The following RALGAPA2 variants were observed in gnomAD, a reference collection of about 807,000 sequenced individuals.
RALGAPA2 encodes the protein ral GTPase-activating protein subunit alpha-2.
RALGAPA2 carries 139 observed loss-of-function variants against 230.4 expected under a neutral mutation model. That is an observed-to-expected ratio of 0.60 (90% CI 0.53 to 0.69). RALGAPA2 has a LOEUF of 0.69. RALGAPA2 is among the 30% of genes least tolerant of loss of function. The probability of loss-of-function intolerance (pLI) is 0.00; values close to 1 mark genes in which losing one functional copy is unlikely to be tolerated. For missense variants in RALGAPA2, 2,163 were observed against 2,276.0 expected (o/e 0.95, Z 1.01); for synonymous variants, 847 against 837.8 (o/e 1.01, Z -0.19).
intron 1 of RALGAPA2, among the ~76,000 whole-genome samples, chr20:20,711,017 A>G (rs1036856790): frequency 3.9e-5 from 6 of 152,222 alleles, no homozygotes; most frequent in Non-Finnish European, 5.9e-5. Context: ...CAGTTTACCA[A>G]GAACGCCACA....
chr20:20,457,859 C>A (rs184265100), intron 37 of RALGAPA2, among the ~76,000 whole-genome samples: 4 of 152,252 alleles, frequency 2.6e-5, no homozygotes, highest in Admixed American at 2.6e-4. Flanking sequence ...GCGGGGCTCT[C>A]GCATAGGGAG....
intron 3 of RALGAPA2, among the ~76,000 whole-genome samples, chr20:20,665,292 G>C (rs188760990): frequency 6.6e-6 from 1 of 152,126 alleles, no homozygotes; most frequent in Non-Finnish European, 1.5e-5. Flanking sequence ...TGCTAGTATT[G>C]CCTTCCACAG....
At chr20:20,633,113 TTC>T (rs567503816) in intron 9 of RALGAPA2, among the ~76,000 whole-genome samples, 1 of 151,250 alleles carries the variant, frequency 6.6e-6, no homozygotes, top group Admixed American at 6.6e-5. Flanking sequence ...TTCTCTTTCT[TTC>T]TCTCTCTTTC....
intron 1 of RALGAPA2, among the ~76,000 whole-genome samples, chr20:20,685,149 G>A (rs2068655207): frequency 6.6e-6 from 1 of 151,398 alleles, no homozygotes; most frequent in Admixed American, 6.6e-5. Context: ...AGACAACTAT[G>A]ACCACAAACT....
chr20:20,654,479 C>T (rs573581123), intron 3 of RALGAPA2, among the ~76,000 whole-genome samples: 3 of 152,364 alleles, frequency 2.0e-5, no homozygotes, highest in Admixed American at 6.5e-5. Context: ...CGTGGGCCAC[C>T]ACGTCCAGCC....
rs2067483276 is a variant in RALGAPA2, at chr20:20,653,532, A to G, written c.326T>C (p.Ile109Thr). ...RIFFRWHYQS[I>T]GSTLKKLLHT... ...AAAAAATTTTTAATTGTTCTTACCT[A>G]TACTCTGGTAATGCCATCGAAAGAA... Residue 109 changes from isoleucine to threonine, a missense_variant and splice_region_variant, in exon 4 of 40, where the codon ATA becomes ACA. Ile to Thr is a moderately conservative substitution (Grantham distance 89). Transcript: ENST00000202677. 1.3e-6 allele frequency: 2 copies of G among 1,484,836 alleles called. No individual in the cohort carries two copies. Among genetic ancestry groups the G allele is most frequent in the African/African-American group, 1.4e-5 (1 of 71,066 alleles). 92.0% of individuals were successfully genotyped at this position (1,484,836 alleles called of 1,614,324 possible).
intron 8 of RALGAPA2, among the ~76,000 whole-genome samples, chr20:20,636,357 T>C (rs1465871518): frequency 1.3e-5 from 2 of 152,180 alleles, no homozygotes; most frequent in African/African-American, 2.4e-5. Context: ...CAAATAACTT[T>C]TAATCTAGGA....
At chr20:20,493,829 A>G (rs1291601078) in intron 36 of RALGAPA2, among the ~76,000 whole-genome samples, 1 of 152,190 alleles carries the variant, frequency 6.6e-6, no homozygotes, top group East Asian at 1.9e-4. Flanking sequence ...CTTCACGCAC[A>G]TGGAGATCAG....
At chr20:20,454,715 C>A (rs2061069243) in intron 37 of RALGAPA2, among the ~76,000 whole-genome samples, 1 of 152,210 alleles carries the variant, frequency 6.6e-6, no homozygotes, top group Non-Finnish European at 1.5e-5. Flanking sequence ...CAGATCTTCA[C>A]TCTCCAGCCT....
chr20:20,403,041 C>T (rs767612573), intron 38 of RALGAPA2, among the ~76,000 whole-genome samples: 16 of 152,144 alleles, frequency 1.1e-4, no homozygotes, highest in South Asian at 6.2e-4. Context: ...TCTCACACGC[C>T]GCCTTTTCAG....
At chr20:20,590,480 T>C (rs1022971983) in intron 17 of RALGAPA2, among the ~76,000 whole-genome samples, 3 of 152,208 alleles carry the variant, frequency 2.0e-5, no homozygotes, top group Admixed American at 2.0e-4. Flanking sequence ...AGATAACTTG[T>C]TGATAAATAG....
At chr20:20,677,079 T>C (rs1223542298) in intron 2 of RALGAPA2, among the ~76,000 whole-genome samples, 1 of 152,190 alleles carries the variant, frequency 6.6e-6, no homozygotes, top group Non-Finnish European at 1.5e-5. Context: ...GAATAAATAC[T>C]ACAGAATGTC....
intron 37 of RALGAPA2, among the ~76,000 whole-genome samples, chr20:20,442,197 GC>G (rs1035201077): frequency 6.6e-6 from 1 of 152,192 alleles, no homozygotes; most frequent in African/African-American, 2.4e-5. Flanking sequence ...CTTCTTTCTT[GC>G]AAAATGGGAC....
At chr20:20,603,553 C>T (rs1040188352) in intron 15 of RALGAPA2, among the ~76,000 whole-genome samples, 1 of 152,188 alleles carries the variant, frequency 6.6e-6, no homozygotes, top group East Asian at 1.9e-4. Flanking sequence ...CCTCTTACTG[C>T]CCCTGAAACT....
At chr20:20,650,277 T>C (rs968967020) in intron 4 of RALGAPA2, among the ~76,000 whole-genome samples, 18 of 152,198 alleles carry the variant, frequency 1.2e-4, no homozygotes, top group Admixed American at 2.0e-4. Flanking sequence ...AAATAGAATG[T>C]CTCTGTTTTC....
chr20:20,448,908 T>C (rs575450209), intron 37 of RALGAPA2, among the ~76,000 whole-genome samples: 13 of 151,866 alleles, frequency 8.6e-5, no homozygotes, highest in Non-Finnish European at 1.8e-4. Context: ...GCCTTCAAGT[T>C]ACGACTTAAC....
intron 18 of RALGAPA2, among the ~76,000 whole-genome samples, chr20:20,586,584 A>G (rs964133975): frequency 1.8e-4 from 27 of 152,350 alleles, no homozygotes; most frequent in African/African-American, 6.0e-4. Flanking sequence ...ATTTGTAAAC[A>G]TTTTAAAGGA....
At chr20:20,697,936 T>C (rs1159450531) in intron 1 of RALGAPA2, among the ~76,000 whole-genome samples, 1 of 152,224 alleles carries the variant, frequency 6.6e-6, no homozygotes, top group Non-Finnish European at 1.5e-5. Context: ...AAACGCTCCC[T>C]TAGACTGTTT....
chr20:20,691,211 G>A (rs73298810), intron 1 of RALGAPA2, among the ~76,000 whole-genome samples: 2,989 of 152,012 alleles, frequency 0.02, 102 homozygotes, highest in African/African-American at 0.069. Context: ...AACCTTACTG[G>A]GTCCTTGAAT....
Sources: allele counts gnomAD v4.1 joint callset (sites outside exome capture counted in the v4.1 genomes callset), GRCh38; gene constraint gnomAD v4.1.1; transcripts MANE v1.5; gene names NCBI Gene and HGNC (gene_info 2026-07-23, HGNC 2026-07-21).